PCDHGA6: variants seen among roughly 807,000 people sequenced by gnomAD.
PCDHGA6 encodes protocadherin gamma subfamily A, 6.
Under a neutral mutation model 60.6 loss-of-function variants are expected in PCDHGA6, and 41 were observed. The ratio of observed to expected loss-of-function variants is 0.68; its 90% CI spans 0.53 to 0.88. The LOEUF (loss-of-function observed/expected upper bound fraction) is 0.88, where lower values mean the gene tolerates loss of function less well. Among genes scored for constraint, PCDHGA6 ranks in the 40% least tolerant of loss-of-function variants. PCDHGA6 has a pLI of 0.00. For synonymous variants in PCDHGA6, 594 were observed against 524.4 expected (o/e 1.13, Z -1.81); for missense variants, 1,312 against 1,203.0 (o/e 1.09, Z -1.34).
intron 1 of PCDHGA6, chr5:141,422,864 AC>A (rs2096680510): frequency 1.9e-6 from 3 of 1,614,190 alleles, no homozygotes; most frequent in Non-Finnish European, 2.5e-6. Flanking sequence ...CTCAGCAGCA[AC>A]GTGTCGCTGA....
At chr5:141,404,437 C>T in intron 1 of PCDHGA6, 3 of 1,613,094 alleles carry the variant, frequency 1.9e-6, no homozygotes, top group Non-Finnish European at 2.5e-6. Context: ...CAGAGGATAC[C>T]ATCCAAGGGT....
chr5:141,433,277 T>G, intron 1 of PCDHGA6: 1 of 1,231,982 alleles, frequency 8.1e-7, no homozygotes. Flanking sequence ...CACTGCAGCC[T>G]CAAACTCCTA....
At chr5:141,498,220 G>T (rs1562182972) in intron 2 of PCDHGA6, among the ~76,000 whole-genome samples, 1 of 152,222 alleles carries the variant, frequency 6.6e-6, no homozygotes, top group Non-Finnish European at 1.5e-5. Flanking sequence ...GAGCATTCCA[G>T]ATGGTCAGGC....
intron 1 of PCDHGA6, chr5:141,478,583 C>G: frequency 6.3e-7 from 1 of 1,578,146 alleles, no homozygotes; most frequent in Non-Finnish European, 8.6e-7. Context: ...CCTGTTAGTG[C>G]TTTTTTATTC....
At chr5:141,459,930 T>C (rs1385764489) in intron 1 of PCDHGA6, among the ~76,000 whole-genome samples, 1 of 152,176 alleles carries the variant, frequency 6.6e-6, no homozygotes, top group East Asian at 1.9e-4. Context: ...TATATCCTTG[T>C]AGCTGGGCGT....
chr5:141,496,621 CA>C (rs2099769988), intron 2 of PCDHGA6, among the ~76,000 whole-genome samples: 1 of 152,332 alleles, frequency 6.6e-6, no homozygotes, highest in Non-Finnish European at 1.5e-5. Flanking sequence ...AGCAGCAGAT[CA>C]AAAGGCTTGG....
Position 141,431,297 on chromosome 5 carries a change from C to G in PCDHGA6, c.2424+54790C>G. Reference sequence around the variant, plus strand: ...GCTCAGCCCGAACACTCACTTCTCCCTCATCGTGCAAAATGGAGCCGACGG... The same window carrying G: ...GCTCAGCCCGAACACTCACTTCTCCGTCATCGTGCAAAATGGAGCCGACGG... On this transcript the variant is annotated intron_variant, in intron 1 of 3. Transcript: ENST00000517434. The surrounding 1 kb of genome is among the most constrained non-coding windows in gnomAD (Gnocchi z 4.8). The G allele has an allele frequency of 6.2e-7, 1 of 1,614,126 alleles. No individual in the cohort carries two copies. The highest frequency in any genetic ancestry group is 8.5e-7 in the Non-Finnish European group (1 of 1,180,036).
chr5:141,492,691 C>G (rs2099743102), intron 1 of PCDHGA6, among the ~76,000 whole-genome samples: 1 of 152,274 alleles, frequency 6.6e-6, no homozygotes, highest in South Asian at 2.1e-4. Flanking sequence ...TCGGCGACCC[C>G]TCAACCCAGA....
chr5:141,395,086 C>A, intron 1 of PCDHGA6: 1 of 1,614,166 alleles, frequency 6.2e-7, no homozygotes, highest in Non-Finnish European at 8.5e-7. Context: ...CAGGAAGTCT[C>A]CCTCACCGCC....
chr5:141,420,225 C>G, intron 1 of PCDHGA6: 1 of 1,603,470 alleles, frequency 6.2e-7, no homozygotes. Flanking sequence ...ATGCTACTGG[C>G]TAGCATTTTA....
intron 1 of PCDHGA6, among the ~76,000 whole-genome samples, chr5:141,452,947 G>C (rs2098752833): frequency 6.6e-6 from 1 of 152,144 alleles, no homozygotes; most frequent in Non-Finnish European, 1.5e-5. Flanking sequence ...GCTTGCAATT[G>C]GTTGTCTTTA....
At chr5:141,442,466 A>T (rs1270035223) in intron 1 of PCDHGA6, 1 of 152,254 alleles carries the variant, frequency 6.6e-6, no homozygotes, top group African/African-American at 2.4e-5. Flanking sequence ...TTCACTGCAG[A>T]AAGCCCCTTG....
At chr5:141,390,024 CG>C (rs1561629846) in intron 1 of PCDHGA6, 1 of 1,614,044 alleles carries the variant, frequency 6.2e-7, no homozygotes, top group African/African-American at 1.3e-5. Context: ...CTTGCGCCTG[CG>C]ACGCTCCTCC....
chr5:141,431,222 C>T lies in PCDHGA6; in HGVS notation c.2424+54715C>T. On this transcript the variant is annotated intron_variant, in intron 1 of 3. Transcript: ENST00000517434. The surrounding 1 kb of genome is among the most constrained non-coding windows in gnomAD (Gnocchi z 4.8). ...AGCCACTGAGATGCGGTTCCCTCTA[C>T]CCCACGCCTGGGATCCGGATATCGG... The T allele has an allele frequency of 6.2e-7, 1 of 1,614,170 alleles. No individual in the cohort carries two copies. Among genetic ancestry groups the T allele is most frequent in the South Asian group, 1.1e-5 (1 of 91,090 alleles).
At chr5:141,506,680 A>G (rs949777571) in intron 3 of PCDHGA6, among the ~76,000 whole-genome samples, 1 of 152,212 alleles carries the variant, frequency 6.6e-6, no homozygotes, top group Non-Finnish European at 1.5e-5. Context: ...ATATATTATT[A>G]TCTTTGCTGA....
At chr5:141,497,245 G>T (rs779763574) in intron 2 of PCDHGA6, among the ~76,000 whole-genome samples, 2 of 152,138 alleles carry the variant, frequency 1.3e-5, no homozygotes, top group Non-Finnish European at 2.9e-5. Flanking sequence ...TCTAGGAGGA[G>T]GTGACATTGA....
chr5:141,377,133 G>A (rs1013848288), intron 1 of PCDHGA6: 25 of 152,138 alleles, frequency 1.6e-4, no homozygotes, highest in African/African-American at 5.8e-4. Flanking sequence ...ATTTTGTGGG[G>A]GAAAATAATG....
intron 1 of PCDHGA6, chr5:141,414,308 T>C: frequency 6.2e-7 from 1 of 1,613,764 alleles, no homozygotes; most frequent in Non-Finnish European, 8.5e-7. Context: ...GTGCATGATT[T>C]AGACTCTGAG....
intron 1 of PCDHGA6, chr5:141,408,760 C>T: frequency 6.2e-7 from 1 of 1,610,404 alleles, no homozygotes. Flanking sequence ...GAGTTAATTC[C>T]GATGGTGGCA....
Sources: allele counts gnomAD v4.1 joint callset (sites outside exome capture counted in the v4.1 genomes callset), GRCh38; gene constraint gnomAD v4.1.1; non-coding constraint Gnocchi (gnomAD v3.1); transcripts MANE v1.5; gene names NCBI Gene and HGNC (gene_info 2026-07-23, HGNC 2026-07-21).